Variants in LONRF3 observed in about 807,000 individuals in gnomAD.
The protein encoded by LONRF3 is LON peptidase N-terminal domain and RING finger protein 3.
Under a neutral mutation model 51.7 loss-of-function variants are expected in LONRF3, and 19 were observed. The ratio of observed to expected loss-of-function variants is 0.37; its 90% CI spans 0.26 to 0.54. The LOEUF (loss-of-function observed/expected upper bound fraction) is 0.54, where lower values mean the gene tolerates loss of function less well. LONRF3 is among the 20% of genes least tolerant of loss of function. LONRF3 has a pLI of 0.86. For synonymous variants in LONRF3, 265 were observed against 257.8 expected, an observed-to-expected ratio of 1.03 and a Z score of -0.27; for missense variants, 521 against 623.9, an observed-to-expected ratio of 0.84 and a Z score of 1.76.
chrX:119,013,123 G>A lies in LONRF3; in HGVS notation c.1896G>A (p.Lys632=). Residue 632 remains lysine (K), a synonymous_variant, in exon 9 of 11, where the codon AAG becomes AAA. Transcript: ENST00000371628. ...GCTCAGTGGTTGACAGCATAGGCAA[G>A]AGGCGCTTCAGGGTGCTCCATCAGA... ...DGRSVVDSIG[K]RRFRVLHQSQ... is the part of the protein sequence containing the mutation. 3.3e-6 allele frequency: 4 copies of A among 1,212,338 alleles called. No homozygotes were observed. Among genetic ancestry groups the A allele is most frequent in the Non-Finnish European group, 4.5e-6 (4 of 895,624 alleles).
In LONRF3 at chrX:119,006,122, T is replaced by G; in HGVS notation, c.1417T>G (p.Leu473Val). 1 of 1,134,971 alleles carries G rather than the reference T, an allele frequency of 8.8e-7. No homozygotes were observed. Among genetic ancestry groups the G allele is most frequent in the Non-Finnish European group, 1.2e-6 (1 of 839,803 alleles). 93.5% of individuals were successfully genotyped at this position (1,134,971 alleles called of 1,213,427 possible). The change falls in exon 6 of 11, where the codon TTA becomes GTA. Residue 473 changes from leucine to valine, a missense_variant and splice_region_variant. Coordinates refer to ENST00000371628, the MANE Select transcript of LONRF3 (RefSeq NM_001031855.3). ...TCCATTTTGATTCCTAAATTTCAGA[T>G]TATTCTATGAGCCAGTCACAACACC... is the stretch of plus-strand genomic sequence containing the variant. Reference protein sequence around the residue: ...SDLECALCMRLFYEPVTTPCG... With the variant: ...SDLECALCMRVFYEPVTTPCG...
chrX:118,994,751 A>T (rs1214034638), intron 5 of LONRF3, among the ~76,000 whole-genome samples: 1 of 112,157 alleles, frequency 8.9e-6, no homozygotes, highest in Non-Finnish European at 1.9e-5. Context: ...GAGGGACAGT[A>T]TATAATGGTA....
chrX:119,004,952 G>A (rs1924604684), intron 5 of LONRF3, among the ~76,000 whole-genome samples: 1 of 112,555 alleles, frequency 8.9e-6, no homozygotes, highest in African/African-American at 3.2e-5. Context: ...TCTGTCAACA[G>A]TTGGCTGTGC....
chrX:118,979,826 G>A (rs1922415561), intron 2 of LONRF3, among the ~76,000 whole-genome samples: 1 of 111,468 alleles, frequency 9.0e-6, no homozygotes, highest in African/African-American at 3.3e-5. Context: ...CATGGGGGGT[G>A]AGAAGAAAAA....
In LONRF3 at chrX:118,975,215, G is replaced by A. The variant is rs976517624; in HGVS notation, c.435G>A (p.Ala145=). 12 of 1,171,948 alleles carry A rather than the reference G, an allele frequency of 1.0e-5. No homozygotes were observed. In the South Asian group the frequency reaches 1.1e-4, roughly 11 times the overall value. The change falls in exon 1 of 11, where the codon GCG becomes GCA. Residue 145 remains alanine, a synonymous_variant. Transcript: ENST00000371628. ...CGGCGGAAGAGACGGGGGCCGCCGC[G>A]GCTGCGGCGGCCACCGAGGTGTGGG... The part of the protein sequence containing the change: ...TVAAEETGAA[A]AAAATEVWDG...
chrX:118,986,770 C>G (rs979339957), intron 3 of LONRF3, among the ~76,000 whole-genome samples: 1 of 111,514 alleles, frequency 9.0e-6, no homozygotes, highest in Non-Finnish European at 1.9e-5. Flanking sequence ...AAGCGAGGAC[C>G]CCTGCCCTGG....
chrX:118,981,617 A>G (rs1299982992), intron 2 of LONRF3, among the ~76,000 whole-genome samples: 1 of 110,346 alleles, frequency 9.1e-6, no homozygotes, highest in African/African-American at 3.3e-5. Context: ...TTTCCCAAAC[A>G]CCCTTGGTAA....
chrX:118,990,420 T>C (rs1923338384), intron 4 of LONRF3, 50 bp from the exon 5 acceptor site: 2 of 996,427 alleles, frequency 2.0e-6, no homozygotes, highest in South Asian at 1.9e-5. Context: ...AAGTACTATC[T>C]ATGAAACCGG....
At chrX:118,990,324 C>T (rs978220916) in intron 4 of LONRF3, 146 bp from the exon 5 acceptor site, 14 of 473,373 alleles carry the variant, frequency 3.0e-5, no homozygotes, top group Middle Eastern at 6.0e-4. Context: ...CCATTCTCAA[C>T]GGCTCAGGTG....
Position 118,974,703 on chromosome X carries a change from C to G in LONRF3, c.-78C>G, listed in dbSNP as rs920673481. Reference sequence around the variant, plus strand: ...GGTGGCATGGCGGCGGTGGCTGCCCCGATTTCCTCCAGCTGCCACTCCTTG... The same window carrying G: ...GGTGGCATGGCGGCGGTGGCTGCCCGGATTTCCTCCAGCTGCCACTCCTTG... On this transcript the variant is annotated 5_prime_UTR_variant, in exon 1 of 11. Transcript: ENST00000371628. 25 of 928,418 alleles carry G rather than the reference C, an allele frequency of 2.7e-5. No homozygotes were observed. Among genetic ancestry groups the G allele is most frequent in the African/African-American group, 2.0e-5 (1 of 49,929 alleles). 76.5% of individuals were successfully genotyped at this position (928,418 alleles called of 1,213,427 possible). A position where few individuals can be genotyped will look rare whatever the true frequency, so the allele number is the denominator to read the frequency against.
Position 119,011,911 on chromosome X carries a change from T to G in LONRF3, c.1749T>G (p.Ile583Met), listed in dbSNP as rs372583896. The part of the protein sequence containing the change: ...HIFEPCYRLM[I>M]RRCIETGTRQ... ...TTGAGCCTTGTTACCGCCTGATGAT[T>G]CGTAGATGCATTGAGACAGGCACGA... The change falls in exon 8 of 11, where the codon ATT (isoleucine) becomes ATG (methionine). Residue 583 changes from isoleucine (I) to methionine (M), a missense_variant. This residue lies in a region of LONRF3 where 145 missense variants were observed against 247.2 expected (regional missense o/e 0.59). Coordinates refer to ENST00000371628, the MANE Select transcript of LONRF3 (RefSeq NM_001031855.3). 3 of 1,210,104 alleles carry G rather than the reference T, an allele frequency of 2.5e-6. No homozygotes were observed. Among genetic ancestry groups the G allele is most frequent in the Non-Finnish European group, 3.4e-6 (3 of 895,246 alleles).
At chrX:118,987,973 T>C (rs1348913911) in intron 3 of LONRF3, among the ~76,000 whole-genome samples, 1 of 111,363 alleles carries the variant, frequency 9.0e-6, no homozygotes, top group Non-Finnish European at 1.9e-5. Flanking sequence ...GAGAGATGGG[T>C]TCCAGGCCCT....
chrX:119,009,063 G>A (rs1465180027), intron 6 of LONRF3, 63 bp from the exon 7 acceptor site: 83 of 1,003,192 alleles, frequency 8.3e-5, no homozygotes, highest in Non-Finnish European at 1.1e-4. Flanking sequence ...TACATCAGAA[G>A]TGTTTTGCTG....
chrX:118,990,252 G>A (rs1308452059), intron 4 of LONRF3, among the ~76,000 whole-genome samples: 3 of 111,822 alleles, frequency 2.7e-5, no homozygotes, highest in African/African-American at 9.8e-5. Flanking sequence ...GACATTGTTT[G>A]ACTTGCATTT....
chrX:119,000,813 C>G (rs751097770), intron 5 of LONRF3, among the ~76,000 whole-genome samples: 16 of 87,221 alleles, frequency 1.8e-4, no homozygotes, highest in Admixed American at 2.6e-4. Context: ...CTCTCTCTCT[C>G]TCTCTCTCTC....
At chrX:118,988,861 T>C (rs912939299) in intron 3 of LONRF3, among the ~76,000 whole-genome samples, 2 of 109,256 alleles carry the variant, frequency 1.8e-5, no homozygotes, top group African/African-American at 3.3e-5. Flanking sequence ...TTGTACCTTG[T>C]TCATTTGACC....
At chrX:119,015,834 T>C (rs950228332) in intron 10 of LONRF3, among the ~76,000 whole-genome samples, 2 of 112,385 alleles carry the variant, frequency 1.8e-5, no homozygotes, top group Non-Finnish European at 3.8e-5. Flanking sequence ...CCCAGTTTGC[T>C]CCAGTCAATG....
chrX:118,991,214 C>T (rs1189571118), intron 5 of LONRF3, among the ~76,000 whole-genome samples: 2 of 111,826 alleles, frequency 1.8e-5, no homozygotes, highest in African/African-American at 6.5e-5. Context: ...TGTCTTGAGA[C>T]AGGACATGTA....
At chrX:118,986,756 G>A (rs190313848) in intron 3 of LONRF3, among the ~76,000 whole-genome samples, 195 of 111,494 alleles carry the variant, frequency 1.7e-3, no homozygotes, top group African/African-American at 5.9e-3. Flanking sequence ...TCTGATGCCC[G>A]CTGAAGCGAG....
Sources: allele counts gnomAD v4.1 joint callset (sites outside exome capture counted in the v4.1 genomes callset), GRCh38; gene constraint gnomAD v4.1.1; regional missense constraint gnomAD v4.1.1; transcripts MANE v1.5; gene names NCBI Gene and HGNC (gene_info 2026-07-23, HGNC 2026-07-21).